The following MAP3K13 variants were observed in gnomAD, a reference collection of about 807,000 sequenced individuals.
MAP3K13 encodes the protein mitogen-activated protein kinase kinase kinase 13, also known as leucine zipper-bearing kinase.
A neutral mutation model predicts 104.0 loss-of-function variants in MAP3K13; 52 were observed. The observed-to-expected ratio is 0.50, with a 90% CI of 0.40 to 0.63. MAP3K13 has a LOEUF of 0.63. Ranked by LOEUF, MAP3K13 falls within the 20% of genes least tolerant of loss-of-function variation. MAP3K13 has a pLI of 0.00. For missense variants in MAP3K13, 914 were observed against 1,218.5 expected, an observed-to-expected ratio of 0.75 and a Z score of 3.72; for synonymous variants, 394 against 442.2, an observed-to-expected ratio of 0.89 and a Z score of 1.37.
chr3:185,316,683 GA>G (rs1299708574), intron 2 of MAP3K13, among the ~76,000 whole-genome samples: 1 of 152,186 alleles, frequency 6.6e-6, no homozygotes, highest in Non-Finnish European at 1.5e-5. Context: ...TGGGAGTAGG[GA>G]GGTAGGAATG....
At chr3:185,310,134 C>T (rs1182526647) in intron 2 of MAP3K13, among the ~76,000 whole-genome samples, 3 of 152,286 alleles carry the variant, frequency 2.0e-5, no homozygotes, top group South Asian at 2.1e-4. Context: ...GTAGACTCCA[C>T]ATGAAGCACA....
At chr3:185,355,755 T>G (rs534823232) in intron 2 of MAP3K13, among the ~76,000 whole-genome samples, 1 of 150,520 alleles carries the variant, frequency 6.6e-6, no homozygotes, top group African/African-American at 2.4e-5. Context: ...TAGAGAGAAA[T>G]AGAAAAAAAA....
chr3:185,286,452 GA>G (rs1206738766), intron 2 of MAP3K13, among the ~76,000 whole-genome samples: 4 of 150,462 alleles, frequency 2.7e-5, no homozygotes, highest in African/African-American at 7.4e-5. Flanking sequence ...CTTACACACA[GA>G]AATTTGCATA....
chr3:185,319,615 T>TTCAG (rs1255980387), intron 2 of MAP3K13, among the ~76,000 whole-genome samples: 1 of 152,228 alleles, frequency 6.6e-6, no homozygotes, highest in South Asian at 2.1e-4. Context: ...TGAATGCTTC[T>TTCAG]TCAGTCCTTC....
intron 2 of MAP3K13, among the ~76,000 whole-genome samples, chr3:185,437,021 AAAAAAAAAAAAT>A (rs1410306882): frequency 5.3e-5 from 8 of 150,336 alleles, no homozygotes; most frequent in Non-Finnish European, 1.2e-4. Context: ...AAAAAAAAAA[AAAAAAAAAAAAT>A]TAGCAAAGAT....
chr3:185,351,169 T>C (rs1405823926), intron 2 of MAP3K13, among the ~76,000 whole-genome samples: 1 of 152,090 alleles, frequency 6.6e-6, no homozygotes, highest in East Asian at 1.9e-4. Flanking sequence ...TGAGTACACA[T>C]GGACAATAGA....
At chr3:185,362,111 T>C (rs1030528629), upstream of MAP3K13, among the ~76,000 whole-genome samples, 11 of 152,206 alleles carry the variant, frequency 7.2e-5, no homozygotes, top group African/African-American at 2.2e-4. Context: ...TCTTGGTCAC[T>C]GGACACCTCA....
intron 2 of MAP3K13, among the ~76,000 whole-genome samples, chr3:185,356,134 T>C (rs1723341779): frequency 7.1e-6 from 1 of 141,024 alleles, no homozygotes; most frequent in South Asian, 2.1e-4. Context: ...TGTCGAACTT[T>C]TGATGGTGAC....
Position 185,483,728 on chromosome 3 carries a change from T to TGG in MAP3K13, c.*1272_*1273insGG, listed in dbSNP as rs1718593309. 1.3e-4 allele frequency: 2 copies of TGG among 14,940 alleles called. No homozygotes were observed. The highest frequency in any genetic ancestry group is 2.5e-4 in the Non-Finnish European group (2 of 7,922). 0.9% of individuals were successfully genotyped at this position (14,940 alleles called of 1,614,324 possible). A position where few individuals can be genotyped will look rare whatever the true frequency, so the allele number is the denominator to read the frequency against. On this transcript the variant is annotated 3_prime_UTR_variant, in exon 14 of 14. Coordinates refer to ENST00000265026, the MANE Select transcript of MAP3K13 (RefSeq NM_004721.5). ...TAGAAGTTCTTTTTTTTTTTTTTTT[T>TGG]TTTGACAGAGTTTTGCTCTTTTTGC...
intron 10 of MAP3K13, among the ~76,000 whole-genome samples, chr3:185,467,494 G>T (rs1268845195): frequency 6.6e-6 from 1 of 151,998 alleles, no homozygotes; most frequent in East Asian, 1.9e-4. Flanking sequence ...TTGCCATAAA[G>T]AAATACCTGA....
In MAP3K13 at chr3:185,450,104, T is replaced by C; in HGVS notation, c.1169+46T>C. The C allele has an allele frequency of 6.7e-7, 1 of 1,484,740 alleles. No individual in the cohort carries two copies. Among genetic ancestry groups the C allele is most frequent in the Non-Finnish European group, 9.0e-7 (1 of 1,109,236 alleles). The allele number at this position is 1,484,740 out of a possible 1,614,324, so 92.0% of individuals were successfully genotyped here. ...ACAATAGGGAGGTCTCTAATGTGTA[T>C]TTGGAGTAAATATCCTGGTGGTGGA... On this transcript the variant is annotated intron_variant, in intron 6 of 13. Coordinates refer to ENST00000265026, the MANE Select transcript of MAP3K13 (RefSeq NM_004721.5). This position sits in a 1 kb window ranked among gnomAD's most constrained non-coding sequence, Gnocchi z 4.2.
chr3:185,363,116 C>T, upstream of MAP3K13: 3 of 984,750 alleles, frequency 3.0e-6, no homozygotes, highest in Non-Finnish European at 3.6e-6. Flanking sequence ...TACTCTGGAC[C>T]CGCCCCTCTT....
intron 1 of MAP3K13, among the ~76,000 whole-genome samples, chr3:185,285,203 G>A (rs965527937): frequency 7.2e-5 from 11 of 152,076 alleles, no homozygotes; most frequent in Non-Finnish European, 1.5e-4. Context: ...TTGTGTTCCC[G>A]ATTTCTGGAA....
intron 2 of MAP3K13, among the ~76,000 whole-genome samples, chr3:185,303,904 A>C (rs1198802255): frequency 1.3e-5 from 2 of 151,826 alleles, no homozygotes; most frequent in Non-Finnish European, 2.9e-5. Flanking sequence ...CTTGAGGTGC[A>C]AAATTAGGTT....
intron 2 of MAP3K13, among the ~76,000 whole-genome samples, chr3:185,303,013 A>G (rs373255807): frequency 2.6e-4 from 39 of 152,084 alleles, no homozygotes; most frequent in East Asian, 1.2e-3. Flanking sequence ...ATATCCTTCT[A>G]TTTTTAGTTT....
At chr3:185,412,637 T>A (rs1211479782) in intron 1 of MAP3K13, among the ~76,000 whole-genome samples, 1 of 152,220 alleles carries the variant, frequency 6.6e-6, no homozygotes, top group African/African-American at 2.4e-5. Flanking sequence ...ATCATTACTT[T>A]AAAAATTAAA....
At chr3:185,313,495 T>C (rs982944441) in intron 2 of MAP3K13, among the ~76,000 whole-genome samples, 5 of 151,932 alleles carry the variant, frequency 3.3e-5, no homozygotes, top group Non-Finnish European at 5.9e-5. Flanking sequence ...GGTCTCGATG[T>C]CTTCACCTCG....
intron 2 of MAP3K13, among the ~76,000 whole-genome samples, chr3:185,337,073 A>AT (rs58515719): frequency 6.6e-6 from 1 of 152,152 alleles, no homozygotes; most frequent in African/African-American, 2.4e-5. Context: ...TTTAAAAAAA[A>AT]TTTTAAATAA....
At chr3:185,409,911 A>G (rs568217715) in intron 1 of MAP3K13, among the ~76,000 whole-genome samples, 2 of 152,302 alleles carry the variant, frequency 1.3e-5, no homozygotes, top group East Asian at 3.9e-4. Context: ...ATTTTTCCAC[A>G]GACTAGGGAT....
Sources: gnomAD v4.1 joint callset for allele counts (sites outside exome capture counted in the v4.1 genomes callset) on GRCh38, gnomAD v4.1.1 for gene constraint, Gnocchi (gnomAD v3.1) non-coding constraint, MANE v1.5 for transcripts, NCBI Gene and HGNC (gene_info 2026-07-23, HGNC 2026-07-21) for gene names.